The following RGS13 variants were observed in gnomAD, a reference collection of about 807,000 sequenced individuals.
The protein encoded by RGS13 is regulator of G-protein signalling 13.
RGS13 carries 14 observed loss-of-function variants against 19.9 expected under a neutral mutation model. The ratio of observed to expected loss-of-function variants is 0.70; its 90% CI spans 0.46 to 1.10. The LOEUF (loss-of-function observed/expected upper bound fraction) is 1.10, where lower values mean the gene tolerates loss of function less well. Among genes scored for constraint, RGS13 ranks in the 50% least tolerant of loss-of-function variants. The pLI is 0.00. For missense variants in RGS13, 205 were observed against 187.1 expected, an observed-to-expected ratio of 1.10 and a Z score of -0.56; for synonymous variants, 60 against 56.8, an observed-to-expected ratio of 1.06 and a Z score of -0.25.
At chr1:192,652,190 G>T (rs1302437447) in intron 5 of RGS13, among the ~76,000 whole-genome samples, 1 of 152,086 alleles carries the variant, frequency 6.6e-6, no homozygotes, top group Non-Finnish European at 1.5e-5. Context: ...GTGTGGGATT[G>T]ACATACTGCT....
In RGS13 at chr1:192,649,248, T is replaced by C. The variant is rs369086474; in HGVS notation, c.127+1261T>C. 3.3e-5 allele frequency among the ~76,000 whole-genome samples: 5 copies of C among 152,122 alleles called. No homozygotes were observed. In the East Asian group the frequency reaches 5.8e-4, roughly 18 times the overall value. ...AGCATGAATGTGAATTTTAAACAAA[T>C]ATATCTTCTGGGTCAGTGTTAGAAC... On this transcript the variant is annotated intron_variant, in intron 5 of 6. Transcript: ENST00000391995.
At position 192,659,631 on chromosome 1, in the gene RGS13, T is replaced by A; in HGVS notation, c.*108T>A. ...AAACACAGTACAAATAAAACAGAAA[T>A]CAAACTATAAGTTGACTTTTAGTTC... is the stretch of plus-strand genomic sequence containing the variant. On this transcript the variant is annotated 3_prime_UTR_variant, in exon 7 of 7. Transcript: ENST00000391995. The A allele has an allele frequency of 1.3e-6, 1 of 770,620 alleles. No individual in the cohort carries two copies. The highest frequency in any genetic ancestry group is 1.9e-5 in the South Asian group (1 of 53,270). The allele number at this position is 770,620 out of a possible 1,614,324, so 47.7% of individuals were successfully genotyped here. A position where few individuals can be genotyped will look rare whatever the true frequency, so the allele number is the denominator to read the frequency against.
At chr1:192,641,311 G>A (rs868620690) in intron 3 of RGS13, among the ~76,000 whole-genome samples, 3 of 135,376 alleles carry the variant, frequency 2.2e-5, no homozygotes, top group Non-Finnish European at 1.6e-5. Context: ...AGAAAGAAAA[G>A]AAAGAAAGGA....
At chr1:192,641,115 G>A (rs939288790) in intron 3 of RGS13, among the ~76,000 whole-genome samples, 2 of 140,970 alleles carry the variant, frequency 1.4e-5, no homozygotes, top group African/African-American at 2.7e-5. Flanking sequence ...GAGAGAAAGA[G>A]AGAAAGAAGG....
chr1:192,649,628 A>C (rs1381916780), intron 5 of RGS13, among the ~76,000 whole-genome samples: 1 of 152,042 alleles, frequency 6.6e-6, no homozygotes, highest in African/African-American at 2.4e-5. Context: ...AACCCAAAAC[A>C]TTTTCTAAAA....
At chr1:192,640,656 T>C (rs985168161) in intron 3 of RGS13, among the ~76,000 whole-genome samples, 1 of 84,760 alleles carries the variant, frequency 1.2e-5, no homozygotes, top group Non-Finnish European at 2.8e-5. Flanking sequence ...TAAATAACTT[T>C]ATTGCTTCTT....
chr1:192,636,818 T>C lies in RGS13; in HGVS notation c.-116+501T>C, dbSNP rs1267522909. ...TTTTTTTATTCTTTTATGTTATGCTTAAGCACAACTATGCACAAATTTCTT... is the reference window on the plus strand; with the variant it reads ...TTTTTTTATTCTTTTATGTTATGCTCAAGCACAACTATGCACAAATTTCTT... On this transcript the variant is annotated intron_variant, in intron 1 of 6. Transcript: ENST00000391995. 2.0e-5 allele frequency among the ~76,000 whole-genome samples: 3 copies of C among 152,048 alleles called. No individual in the cohort carries two copies. In the East Asian group the frequency reaches 5.8e-4, roughly 29 times the overall value.
In RGS13 at chr1:192,638,165, T is replaced by A. The variant is rs1053902426; in HGVS notation, c.-43T>A. ...AATTATATTTTCTTATTTTATCAGA[T>A]GATATTCTAACGCTGCCTTTTCTCT... On this transcript the variant is annotated splice_region_variant and 5_prime_UTR_variant, in exon 3 of 7. It removes an upstream start codon present in the reference 5' UTR. Transcript: ENST00000391995. 6.6e-6 allele frequency: 1 copy of A among 152,148 alleles called. No individual in the cohort carries two copies. The highest frequency in any genetic ancestry group is 2.4e-5 in the African/African-American group (1 of 41,462). 9.4% of individuals were successfully genotyped at this position (152,148 alleles called of 1,614,324 possible).
rs1434373055 is a variant in RGS13, at chr1:192,639,369, T to TAC, written c.-5+1173_-5+1174dup. On this transcript the variant is annotated intron_variant, in intron 3 of 6. Coordinates refer to ENST00000391995, the MANE Select transcript of RGS13 (RefSeq NM_002927.5). ...CTGGCAGCCCCAACCATCTGGGTGA[T>TAC]ACACACACCCAGATGTCTGTAAATC... 2.7e-4 allele frequency among the ~76,000 whole-genome samples: 40 copies of TAC among 149,626 alleles called. 1 individual carries two copies. In the Admixed American group the frequency reaches 2.7e-3, roughly 10 times the overall value.
chr1:192,651,247 G>A (rs1255453943), intron 5 of RGS13, among the ~76,000 whole-genome samples: 2 of 152,124 alleles, frequency 1.3e-5, no homozygotes, highest in Admixed American at 1.3e-4. Context: ...GTCAGCTGAG[G>A]TGAGGAAGGA....
chr1:192,659,556 T>C lies in RGS13; in HGVS notation c.*33T>C, dbSNP rs1007682171. ...TCAAAAGTTTAAATAGAAAACAGTA[T>C]ATTGAAAGTGGTGGGTTTGATCTTT... On this transcript the variant is annotated 3_prime_UTR_variant, in exon 7 of 7. Transcript: ENST00000391995. 6.8e-7 allele frequency: 1 copy of C among 1,474,774 alleles called. No homozygotes were observed. Among genetic ancestry groups the C allele is most frequent in the Non-Finnish European group, 9.3e-7 (1 of 1,076,074 alleles). 91.4% of individuals were successfully genotyped at this position (1,474,774 alleles called of 1,614,324 possible). A position where few individuals can be genotyped will look rare whatever the true frequency, so the allele number is the denominator to read the frequency against.
chr1:192,647,951 T>A lies in RGS13; in HGVS notation c.91T>A (p.Trp31Arg), dbSNP rs150454592. ...SNLTLEEVLQWAQSFENLMAT... is the reference protein window; with the variant it reads ...SNLTLEEVLQRAQSFENLMAT... ...CCTTACTTTGGAGGAAGTATTACAGTGGGCCCAGTCTTTTGAAAATTTAAT... is the reference window on the plus strand; with the variant it reads ...CCTTACTTTGGAGGAAGTATTACAGAGGGCCCAGTCTTTTGAAAATTTAAT... The change falls in exon 5 of 7, where the codon TGG becomes AGG. Residue 31 changes from tryptophan to arginine, a missense_variant. Physicochemically the swap from Trp to Arg is moderately radical, Grantham distance 101 (BLOSUM62 -3). Coordinates refer to ENST00000391995, the MANE Select transcript of RGS13 (RefSeq NM_002927.5). 4 of 1,603,286 alleles carry A rather than the reference T, an allele frequency of 2.5e-6. No individual in the cohort carries two copies. The African/African-American group carries it at 5.4e-5, about 22-fold the overall frequency.
In RGS13 at chr1:192,646,290, CCTT is replaced by C. The variant is rs561595976; in HGVS notation, c.66-1634_66-1632del. The C allele has an allele frequency of 2.0e-4, 31 of 152,274 alleles. No homozygotes were observed. The South Asian group carries it at 6.0e-3, about 30-fold the overall frequency. The allele number at this position is 152,274 out of a possible 1,614,324, so 9.4% of individuals were successfully genotyped here. A position where few individuals can be genotyped will look rare whatever the true frequency, so the allele number is the denominator to read the frequency against. On this transcript the variant is annotated intron_variant, in intron 4 of 6. Coordinates refer to ENST00000391995, the MANE Select transcript of RGS13 (RefSeq NM_002927.5). ...TTTTTTAATCTCTTTAACTAATCCT[CCTT>C]CATTGTGTTAAGAACCTGCTAATGC...
chr1:192,642,191 T>G (rs1221046898), intron 3 of RGS13, among the ~76,000 whole-genome samples: 2 of 152,168 alleles, frequency 1.3e-5, no homozygotes, highest in Non-Finnish European at 2.9e-5. Flanking sequence ...GCATTACAAA[T>G]TCTCCCACCA....
chr1:192,647,974 A>C lies in RGS13; in HGVS notation c.114A>C (p.Leu38Phe). 2 of 1,598,018 alleles carry C rather than the reference A, an allele frequency of 1.3e-6. No homozygotes were observed. Among genetic ancestry groups the C allele is most frequent in the Non-Finnish European group, 1.7e-6 (2 of 1,170,596 alleles). The change falls in exon 5 of 7, where the codon TTA (leucine) becomes TTC (phenylalanine). Residue 38 changes from leucine (L) to phenylalanine (F), a missense_variant. Coordinates refer to ENST00000391995, the MANE Select transcript of RGS13 (RefSeq NM_002927.5). ...VLQWAQSFEN[L>F]MATKYGPVVY... ...AGTGGGCCCAGTCTTTTGAAAATTTAATGGCTACAAAATGTGAGTATTGCG... is the reference window on the plus strand; with the variant it reads ...AGTGGGCCCAGTCTTTTGAAAATTTCATGGCTACAAAATGTGAGTATTGCG...
At position 192,644,226 on chromosome 1, in the gene RGS13, C is replaced by CT. The variant is rs370804072; in HGVS notation, c.-4-96dup. On this transcript the variant is annotated intron_variant, in intron 3 of 6. Transcript: ENST00000391995. ...TATTCCATTAACTTCAAGAGCCCAT[C>CT]TTTTTTTTTATGATTTATAATATTG... 1,692 of 770,994 alleles carry CT rather than the reference C, an allele frequency of 2.2e-3. 1 individual carries two copies. The highest frequency in any genetic ancestry group is 3.4e-3 in the South Asian group (129 of 38,196). The allele number at this position is 770,994 out of a possible 1,614,324, so 47.8% of individuals were successfully genotyped here.
intron 5 of RGS13, among the ~76,000 whole-genome samples, chr1:192,657,353 T>G (rs1022965620): frequency 6.6e-6 from 1 of 152,146 alleles, no homozygotes; most frequent in Non-Finnish European, 1.5e-5. Flanking sequence ...CTCCCAAAGA[T>G]TCCAATTAAT....
chr1:192,636,387 T>C (rs1268558320), intron 1 of RGS13, 70 bp downstream of exon 1: 1 of 152,022 alleles, frequency 6.6e-6, no homozygotes, highest in African/African-American at 2.4e-5. Flanking sequence ...CACTAGCAGA[T>C]GCTGATTTCA....
At chr1:192,644,428 T>A in intron 4 of RGS13, 29 bp downstream of exon 4, 1 of 1,462,826 alleles carries the variant, frequency 6.8e-7, no homozygotes, top group East Asian at 2.3e-5. Flanking sequence ...TCTATGGTAA[T>A]TGTAAAGCAT....
Sources: allele counts gnomAD v4.1 joint callset (sites outside exome capture counted in the v4.1 genomes callset), GRCh38; gene constraint gnomAD v4.1.1; transcripts MANE v1.5; gene names NCBI Gene and HGNC (gene_info 2026-07-23, HGNC 2026-07-21).